The following KIF5A variants were observed in gnomAD, a reference collection of about 807,000 sequenced individuals.
The protein encoded by KIF5A is kinesin heavy chain isoform 5A.
In KIF5A, 35 loss-of-function variants were observed where a neutral mutation model predicts 141.3. The ratio of observed to expected loss-of-function variants is 0.25; its 90% CI spans 0.19 to 0.33. KIF5A has a LOEUF of 0.33. Among genes scored for constraint, KIF5A ranks in the 10% least tolerant of loss-of-function variants. KIF5A has a pLI of 1.00. For missense variants in KIF5A, 861 were observed against 1,314.3 expected (o/e 0.66, Z 5.33); for synonymous variants, 448 against 500.2 (o/e 0.90, Z 1.39).
rs199624091 is a variant in KIF5A, at chr12:57,567,626, G to C, written c.714+8G>C. The C allele has an allele frequency of 6.2e-7, 1 of 1,610,974 alleles. No homozygotes were observed. The highest frequency in any genetic ancestry group is 8.5e-7 in the Non-Finnish European group (1 of 1,178,812). On this transcript the variant is annotated splice_region_variant and intron_variant, in intron 8 of 28. Coordinates refer to ENST00000455537, the MANE Select transcript of KIF5A (RefSeq NM_004984.4). ...CTGGCAGGGAGTGAGAAGGTAGGGGGTCCTGTGGATATGGGGTGGGTGGAA... is the reference window on the plus strand; with the variant it reads ...CTGGCAGGGAGTGAGAAGGTAGGGGCTCCTGTGGATATGGGGTGGGTGGAA...
intron 6 of KIF5A, among the ~76,000 whole-genome samples, chr12:57,565,936 A>T (rs1302186674): frequency 6.6e-6 from 1 of 151,156 alleles, no homozygotes; most frequent in Non-Finnish European, 1.5e-5. Flanking sequence ...CTTGTTTAAA[A>T]AAAAAAAAAA....
intron 1 of KIF5A, among the ~76,000 whole-genome samples, chr12:57,558,310 G>A (rs1881807185): frequency 6.6e-6 from 1 of 152,038 alleles, no homozygotes; most frequent in African/African-American, 2.4e-5. Context: ...GGGAGGCTGA[G>A]GTGGGCGGAT....
In KIF5A at chr12:57,576,314, C is replaced by T. The variant is rs779614400; in HGVS notation, c.2134C>T (p.Arg712Trp). ...GGAGAGTCACCGGGAGGCCCATCAC[C>T]GGCAGCTGGCCCGGCTCCGGGACGA... ...QMESHREAHH[R>W]QLARLRDEIN... Residue 712 changes from arginine to tryptophan, a missense_variant, in exon 19 of 29, where the codon CGG becomes TGG. Physicochemically the swap from Arg to Trp is moderately radical, Grantham distance 101. Transcript: ENST00000455537. 21 of 1,613,864 alleles carry T rather than the reference C, an allele frequency of 1.3e-5. No homozygotes were observed. The highest frequency in any genetic ancestry group is 5.5e-5 in the South Asian group (5 of 91,068).
Position 57,583,299 on chromosome 12 carries a change from C to CTT in KIF5A, c.*36+94_*36+95dup, listed in dbSNP as rs35104895. ...CTCTTTGGTTTTCCTGCTGCTGCTT[C>CTT]TTTTTTTTTTTATCACCTCAAAACT... is the stretch of plus-strand genomic sequence containing the variant. On this transcript the variant is annotated intron_variant, in intron 28 of 28. Coordinates refer to ENST00000455537, the MANE Select transcript of KIF5A (RefSeq NM_004984.4). 2,972 of 639,826 alleles carry CTT rather than the reference C, an allele frequency of 4.6e-3. 26 individuals are homozygous for CTT. Among genetic ancestry groups the CTT allele is most frequent in the African/African-American group, 0.034 (1,791 of 52,786 alleles). 39.6% of individuals were successfully genotyped at this position (639,826 alleles called of 1,614,324 possible).
At chr12:57,563,836 A>G (rs1881983848) in intron 3 of KIF5A, 143 bp downstream of exon 3, 1 of 806,578 alleles carries the variant, frequency 1.2e-6, no homozygotes, top group Non-Finnish European at 2.1e-6. Context: ...GAAGGGCAAT[A>G]TTAGGGGAAG....
chr12:57,570,959 ATTTTT>A (rs58715013), intron 12 of KIF5A, among the ~76,000 whole-genome samples: 4 of 129,328 alleles, frequency 3.1e-5, no homozygotes, highest in Non-Finnish European at 1.6e-5. Context: ...CGCCCAGCTA[ATTTTT>A]TTTTTTTTTT....
chr12:57,560,853 A>G (rs1188780454), intron 1 of KIF5A, among the ~76,000 whole-genome samples: 1 of 152,090 alleles, frequency 6.6e-6, no homozygotes, highest in Admixed American at 6.6e-5. Flanking sequence ...AATAAACAAA[A>G]TTAGGCAGAT....
rs1881540831 is a variant in KIF5A, at chr12:57,550,580, G to T, written c.129+180G>T. On this transcript the variant is annotated intron_variant, in intron 1 of 28. Coordinates refer to ENST00000455537, the MANE Select transcript of KIF5A (RefSeq NM_004984.4). This position sits in a 1 kb window ranked among gnomAD's most constrained non-coding sequence, Gnocchi z 4.6. Reference sequence around the variant, plus strand: ...GGATGGCTGGGTGTGGCCTGGCCAGGCCAGCGGCCGAGTCTCTGCAGAGTG... The same window carrying T: ...GGATGGCTGGGTGTGGCCTGGCCAGTCCAGCGGCCGAGTCTCTGCAGAGTG... 6.6e-6 allele frequency among the ~76,000 whole-genome samples: 1 copy of T among 152,020 alleles called. No homozygotes were observed. The highest frequency in any genetic ancestry group is 2.1e-4 in the South Asian group (1 of 4,792).
At position 57,550,203 on chromosome 12, in the gene KIF5A, C is replaced by T; in HGVS notation, c.-69C>T. ...CCTCCGCCTCGGCCTCTGCTGAGAG[C>T]CCTCTCCTCTGGAGCACACACCACC... On this transcript the variant is annotated 5_prime_UTR_variant, in exon 1 of 29. Coordinates refer to ENST00000455537, the MANE Select transcript of KIF5A (RefSeq NM_004984.4). This position sits in a 1 kb window ranked among gnomAD's most constrained non-coding sequence, Gnocchi z 4.6. 6.2e-7 allele frequency: 1 copy of T among 1,605,316 alleles called. No homozygotes were observed.
At chr12:57,580,428 G>C (rs1882561722) in intron 23 of KIF5A, among the ~76,000 whole-genome samples, 1 of 152,160 alleles carries the variant, frequency 6.6e-6, no homozygotes, top group Non-Finnish European at 1.5e-5. Context: ...TATGTCAGGG[G>C]CTCCTGAATT....
chr12:57,550,091 C>G lies in KIF5A; in HGVS notation c.-181C>G, dbSNP rs566707896. The G allele has an allele frequency of 2.7e-6, 2 of 741,068 alleles. No individual in the cohort carries two copies. Among genetic ancestry groups the G allele is most frequent in the African/African-American group, 3.5e-5 (2 of 56,742 alleles). 45.9% of individuals were successfully genotyped at this position (741,068 alleles called of 1,614,324 possible). A position where few individuals can be genotyped will look rare whatever the true frequency, so the allele number is the denominator to read the frequency against. Reference sequence around the variant, plus strand: ...GCCCAGGTCGCCCGCATCCCGCTGCCGCAGGAGAGAGACAGCGCGCCCCGG... The same window carrying G: ...GCCCAGGTCGCCCGCATCCCGCTGCGGCAGGAGAGAGACAGCGCGCCCCGG... On this transcript the variant is annotated 5_prime_UTR_variant, in exon 1 of 29. Coordinates refer to ENST00000455537, the MANE Select transcript of KIF5A (RefSeq NM_004984.4). The surrounding 1 kb of genome is among the most constrained non-coding windows in gnomAD (Gnocchi z 4.6).
At chr12:57,565,076 G>A in intron 6 of KIF5A, 103 bp downstream of exon 6, 2 of 1,037,192 alleles carry the variant, frequency 1.9e-6, no homozygotes, top group African/African-American at 1.6e-5. Context: ...TGGATATCCT[G>A]GAGGAATGAG....
chr12:57,577,746 G>A lies in KIF5A; in HGVS notation c.2334G>A (p.Gln778=), dbSNP rs763666979. The A allele has an allele frequency of 1.2e-6, 2 of 1,614,002 alleles. No homozygotes were observed. The highest frequency in any genetic ancestry group is 1.7e-6 in the Non-Finnish European group (2 of 1,179,854). Residue 778 remains glutamine, a synonymous_variant, in exon 21 of 29, where the codon CAG becomes CAA. Coordinates refer to ENST00000455537, the MANE Select transcript of KIF5A (RefSeq NM_004984.4). The part of the protein sequence containing the change: ...FLYERHEQSK[Q]DLKGLEETVA... ...ACGAGCGACATGAGCAGTCCAAGCA[G>A]GACCTCAAGGGTCTGGAGGAGACAG...
At position 57,576,116 on chromosome 12, in the gene KIF5A, A is replaced by G. The variant is rs1177916529; in HGVS notation, c.2053A>G (p.Lys685Glu). Residue 685 changes from lysine (K) to glutamate (E), a missense_variant, in exon 18 of 29, where the codon AAG becomes GAG. Physicochemically the swap from Lys to Glu is moderately conservative, Grantham distance 56. Coordinates refer to ENST00000455537, the MANE Select transcript of KIF5A (RefSeq NM_004984.4). ...TGTGCATGAAGTGGCCCTGAAGGACAAGGAGCCTGACACTCAGGATGCAGA... is the reference window on the plus strand; with the variant it reads ...TGTGCATGAAGTGGCCCTGAAGGACGAGGAGCCTGACACTCAGGATGCAGA... The part of the protein sequence containing the change: ...ETVHEVALKD[K>E]EPDTQDADEV... 2 of 1,614,208 alleles carry G rather than the reference A, an allele frequency of 1.2e-6. No individual in the cohort carries two copies. The highest frequency in any genetic ancestry group is 1.7e-5 in the Admixed American group (1 of 60,016).
chr12:57,580,290 G>T (rs1426244756), intron 23 of KIF5A, among the ~76,000 whole-genome samples: 1 of 152,300 alleles, frequency 6.6e-6, no homozygotes, highest in Non-Finnish European at 1.5e-5. Flanking sequence ...CCATGCTCTA[G>T]CTTAATTTCA....
At chr12:57,554,603 C>T (rs1029227898) in intron 1 of KIF5A, among the ~76,000 whole-genome samples, 18 of 152,268 alleles carry the variant, frequency 1.2e-4, no homozygotes, top group African/African-American at 4.3e-4. Context: ...CTATATGTTG[C>T]TATAAAGGAA....
chr12:57,581,248 A>T, intron 24 of KIF5A, 76 bp downstream of exon 24: 1 of 1,521,324 alleles, frequency 6.6e-7, no homozygotes, highest in Non-Finnish European at 9.0e-7. Context: ...CCAAGCAACT[A>T]GATTATTGCT....
chr12:57,554,959 A>G (rs1881687597), intron 1 of KIF5A, among the ~76,000 whole-genome samples: 2 of 152,208 alleles, frequency 1.3e-5, no homozygotes, highest in African/African-American at 4.8e-5. Context: ...TCAAATGTCA[A>G]CATGAGATTT....
Position 57,569,411 on chromosome 12 carries a change from G to T in KIF5A, c.968+7G>T. 1 of 1,613,962 alleles carries T rather than the reference G, an allele frequency of 6.2e-7. No homozygotes were observed. Among genetic ancestry groups the T allele is most frequent in the Non-Finnish European group, 8.5e-7 (1 of 1,179,994 alleles). On this transcript the variant is annotated splice_region_variant and intron_variant, in intron 10 of 28. Transcript: ENST00000455537. ...CCCTGATGTTTGGGCAGCGGTCAGT[G>T]GCAGGGTCCCCAGAGGGATCCCTGG...
Sources: gnomAD v4.1 joint callset for allele counts (sites outside exome capture counted in the v4.1 genomes callset) on GRCh38, gnomAD v4.1.1 for gene constraint, Gnocchi (gnomAD v3.1) non-coding constraint, MANE v1.5 for transcripts, NCBI Gene and HGNC (gene_info 2026-07-23, HGNC 2026-07-21) for gene names.